AKAP12: variants seen among roughly 807,000 people sequenced by gnomAD.
AKAP12 encodes the protein A-kinase anchor protein 12.
In AKAP12, 32 loss-of-function variants were observed where a neutral mutation model predicts 79.9. That is an observed-to-expected ratio of 0.40 (90% CI 0.30 to 0.54). AKAP12 has a LOEUF of 0.54. AKAP12 is among the 20% of genes least tolerant of loss of function. AKAP12 has a pLI of 0.48. For synonymous variants in AKAP12, 808 were observed against 857.0 expected, an observed-to-expected ratio of 0.94 and a Z score of 1.00; for missense variants, 2,074 against 2,177.0, an observed-to-expected ratio of 0.95 and a Z score of 0.94.
At chr6:151,331,348 G>T (rs1245840787) in intron 3 of AKAP12, among the ~76,000 whole-genome samples, 1 of 151,874 alleles carries the variant, frequency 6.6e-6, no homozygotes. Context: ...TTATAATGTT[G>T]TAATTGAGAA....
chr6:151,312,793 C>CAAAAAAAAAAAAAAA lies in AKAP12; in HGVS notation c.319+6894_319+6908dup, dbSNP rs55685824. On this transcript the variant is annotated intron_variant, in intron 3 of 4. Transcript: ENST00000402676. ...GGCTACAAGAGGGAGACTCTGTCTC[C>CAAAAAAAAAAAAAAA]AAAAAAAAAAAAAAAAAAGAATCAT... Among the ~76,000 whole-genome samples, 115 of 72,976 alleles carry CAAAAAAAAAAAAAAA rather than the reference C, an allele frequency of 1.6e-3. 2 individuals are homozygous for CAAAAAAAAAAAAAAA. Among genetic ancestry groups the CAAAAAAAAAAAAAAA allele is most frequent in the Non-Finnish European group, 1.9e-3 (76 of 39,404 alleles). The allele number at this position is 72,976 out of a possible 152,430, so 47.9% of individuals were successfully genotyped here.
intron 3 of AKAP12, chr6:151,324,962 C>T: frequency 3.0e-6 from 3 of 985,390 alleles, no homozygotes; most frequent in Non-Finnish European, 3.6e-6. Context: ...AAAATTGGAA[C>T]ATGGCATAGT....
At chr6:151,342,297 A>G (rs1660545874) in intron 3 of AKAP12, among the ~76,000 whole-genome samples, 1 of 152,242 alleles carries the variant, frequency 6.6e-6, no homozygotes, top group Non-Finnish European at 1.5e-5. Flanking sequence ...CTAGGCTTCA[A>G]TGCGGGTTCC....
chr6:151,243,139 G>A (rs537178074), intron 2 of AKAP12, among the ~76,000 whole-genome samples: 3 of 152,244 alleles, frequency 2.0e-5, no homozygotes, highest in East Asian at 1.9e-4. Context: ...TTCAAATTGC[G>A]TTTTATCTTA....
At chr6:151,252,149 G>T (rs1269021462) in intron 2 of AKAP12, among the ~76,000 whole-genome samples, 1 of 152,070 alleles carries the variant, frequency 6.6e-6, no homozygotes, top group Non-Finnish European at 1.5e-5. Context: ...GGCCATCGAG[G>T]CTTTTGGAGT....
At chr6:151,290,238 GA>G (rs1016661150) in intron 2 of AKAP12, among the ~76,000 whole-genome samples, 19 of 152,076 alleles carry the variant, frequency 1.2e-4, no homozygotes, top group African/African-American at 4.3e-4. Context: ...TGGAGGATAG[GA>G]AAACTGGGCA....
chr6:151,335,042 C>G (rs1382273573), intron 3 of AKAP12, among the ~76,000 whole-genome samples: 1 of 152,142 alleles, frequency 6.6e-6, no homozygotes, highest in Non-Finnish European at 1.5e-5. Flanking sequence ...CTCATTCAGG[C>G]ATTTGGACAA....
chr6:151,332,336 C>G (rs1777697851), intron 3 of AKAP12, among the ~76,000 whole-genome samples: 1 of 152,090 alleles, frequency 6.6e-6, no homozygotes, highest in Admixed American at 6.6e-5. Context: ...GCGCCCGGCC[C>G]AGCCCTGCAT....
rs376459420 is a variant in AKAP12 at position 151,276,634 on chromosome 6, T to C, written c.163-29113T>C. Among the ~76,000 whole-genome samples, 89 of 152,372 alleles carry C rather than the reference T, an allele frequency of 5.8e-4. 2 individuals are homozygous for C. In the South Asian group the frequency reaches 0.018, roughly 31 times the overall value. ...CCAGTGGACGGAGCCTCCCTGAGCC[T>C]CGCACAAAGAGAAGCCAGCGCAGCT... On this transcript the variant is annotated intron_variant, in intron 2 of 4. Coordinates refer to ENST00000402676, the MANE Select transcript of AKAP12 (RefSeq NM_005100.4).
chr6:151,340,234 G>GT lies in AKAP12; in HGVS notation c.320-8477_320-8476insT, dbSNP rs1376687637. ...GTCATGAGCCACCGCGCCCAGCGGTGGTTTTTTTTTTTTTTTTTAGTGCTG... is the reference window on the plus strand; with the variant it reads ...GTCATGAGCCACCGCGCCCAGCGGTGTGTTTTTTTTTTTTTTTTTAGTGCTG... On this transcript the variant is annotated intron_variant, in intron 3 of 4. Transcript: ENST00000402676. 7.6e-4 allele frequency among the ~76,000 whole-genome samples: 106 copies of GT among 139,160 alleles called. No homozygotes were observed. The East Asian group carries it at 0.017, about 22-fold the overall frequency. The allele number at this position is 139,160 out of a possible 152,430, so 91.3% of individuals were successfully genotyped here.
At position 151,341,664 on chromosome 6, in the gene AKAP12, G is replaced by T. The variant is rs538578154; in HGVS notation, c.320-7047G>T. On this transcript the variant is annotated intron_variant, in intron 3 of 4. Transcript: ENST00000402676. ...CCTGCCGGCGGGCTGCGCGCGCCAT[G>T]CCCTGGTGGAGTAAACTCTGCAGTG... The T allele has an allele frequency of 4.3e-6, 5 of 1,152,810 alleles. No individual in the cohort carries two copies. In the East Asian group the frequency reaches 2.4e-4, roughly 56 times the overall value. The allele number at this position is 1,152,810 out of a possible 1,614,324, so 71.4% of individuals were successfully genotyped here.
At chr6:151,301,866 A>AC (rs553978303) in intron 2 of AKAP12, among the ~76,000 whole-genome samples, 22 of 152,148 alleles carry the variant, frequency 1.4e-4, no homozygotes, top group Non-Finnish European at 3.2e-4. Flanking sequence ...AGGGACAGTT[A>AC]CCCTGTGGTT....
chr6:151,240,780 T>A, intron 2 of AKAP12, 56 bp downstream of exon 2: 1 of 67,620 alleles, frequency 1.5e-5, no homozygotes, highest in Non-Finnish European at 2.6e-5. Flanking sequence ...GGGGTGGGGG[T>A]GGGGGTGGGG....
At chr6:151,272,242 G>A (rs1776197389) in intron 2 of AKAP12, among the ~76,000 whole-genome samples, 1 of 151,360 alleles carries the variant, frequency 6.6e-6, no homozygotes, top group Admixed American at 6.6e-5. Flanking sequence ...CTACTTAGGA[G>A]GACTAGGTGG....
intron 2 of AKAP12, among the ~76,000 whole-genome samples, chr6:151,266,593 T>G (rs2114705581): frequency 6.6e-6 from 1 of 152,338 alleles, no homozygotes; most frequent in Admixed American, 6.5e-5. Context: ...CATATAAGTG[T>G]TCATATCCTT....
rs748156786 is a variant in AKAP12 at position 151,349,751 on chromosome 6, C to T, written c.1360C>T (p.Pro454Ser). Reference protein sequence around the residue: ...AEELVEMDAEPQEAEPAKELV... With the variant: ...AEELVEMDAESQEAEPAKELV... Reference sequence around the variant, plus strand: ...AGAATTGGTTGAAATGGATGCAGAACCTCAGGAAGCTGAACCTGCCAAGGA... The same window carrying T: ...AGAATTGGTTGAAATGGATGCAGAATCTCAGGAAGCTGAACCTGCCAAGGA... The change falls in exon 4 of 5, where the codon CCT becomes TCT. Residue 454 changes from proline to serine, a missense_variant. Pro to Ser is a moderately conservative substitution (Grantham distance 74, BLOSUM62 -1). This residue lies in a region of AKAP12 where 1,428 missense variants were observed against 1,451.0 expected (regional missense o/e 0.98). Coordinates refer to ENST00000402676, the MANE Select transcript of AKAP12 (RefSeq NM_005100.4). The T allele has an allele frequency of 1.9e-6, 3 of 1,614,048 alleles. No individual in the cohort carries two copies. The highest frequency in any genetic ancestry group is 4.5e-5 in the East Asian group (2 of 44,868).
intron 2 of AKAP12, among the ~76,000 whole-genome samples, chr6:151,273,661 C>T (rs1156525149): frequency 6.6e-6 from 1 of 152,178 alleles, no homozygotes; most frequent in African/African-American, 2.4e-5. Context: ...CTCCAGCAGG[C>T]CAGTTCAAAG....
chr6:151,292,002 A>G (rs1173480032), intron 2 of AKAP12, among the ~76,000 whole-genome samples: 1 of 152,206 alleles, frequency 6.6e-6, no homozygotes, highest in African/African-American at 2.4e-5. Context: ...AGGCAGAGAC[A>G]TTTCAATTGA....
In AKAP12 at chr6:151,312,793, C is replaced by CAAAAAAAAAAAAAAAAA. The variant is rs55685824; in HGVS notation, c.319+6892_319+6908dup. Among the ~76,000 whole-genome samples, 82 of 72,974 alleles carry CAAAAAAAAAAAAAAAAA rather than the reference C, an allele frequency of 1.1e-3. 2 individuals are homozygous for CAAAAAAAAAAAAAAAAA. Among genetic ancestry groups the CAAAAAAAAAAAAAAAAA allele is most frequent in the African/African-American group, 3.1e-3 (56 of 18,152 alleles). The allele number at this position is 72,974 out of a possible 152,430, so 47.9% of individuals were successfully genotyped here. ...GGCTACAAGAGGGAGACTCTGTCTCCAAAAAAAAAAAAAAAAAAGAATCAT... is the reference window on the plus strand; with the variant it reads ...GGCTACAAGAGGGAGACTCTGTCTCCAAAAAAAAAAAAAAAAAAAAAAAAAAAAAAAAAAAGAATCAT... On this transcript the variant is annotated intron_variant, in intron 3 of 4. Transcript: ENST00000402676.
Sources: allele counts gnomAD v4.1 joint callset (sites outside exome capture counted in the v4.1 genomes callset), GRCh38; gene constraint gnomAD v4.1.1; regional missense constraint gnomAD v4.1.1; transcripts MANE v1.5; gene names NCBI Gene and HGNC (gene_info 2026-07-23, HGNC 2026-07-21).